GPD2: variants seen among roughly 807,000 people sequenced by gnomAD.
GPD2 encodes the protein glycerol-3-phosphate dehydrogenase, mitochondrial.
GPD2 carries 54 observed loss-of-function variants against 82.4 expected under a neutral mutation model. The ratio of observed to expected loss-of-function variants is 0.66; its 90% CI spans 0.53 to 0.82. GPD2 has a LOEUF of 0.82. GPD2 is among the 40% of genes least tolerant of loss of function. GPD2 has a pLI of 0.00. For synonymous variants in GPD2, 288 were observed against 306.1 expected (o/e 0.94, Z 0.62); for missense variants, 748 against 896.2 (o/e 0.83, Z 2.11).
intron 6 of GPD2, among the ~76,000 whole-genome samples, chr2:156,548,309 C>T (rs1560629): frequency 0.66 from 99,815 of 152,090 alleles, 33,388 homozygotes; most frequent in Middle Eastern, 0.81. Flanking sequence ...CGCTACCCTT[C>T]CCACTTATAG....
the GPD2 span, among the ~76,000 whole-genome samples, chr2:156,402,245 A>G: frequency 6.6e-6 from 1 of 152,368 alleles, no homozygotes; most frequent in African/African-American, 2.4e-5. Context: ...GACATTATAT[A>G]TTAAGAATAA....
intron 1 of GPD2, among the ~76,000 whole-genome samples, chr2:156,445,621 CTTCTT>C (rs1270239747): frequency 6.6e-6 from 1 of 152,228 alleles, no homozygotes; most frequent in Non-Finnish European, 1.5e-5. Context: ...TGGTATCAGT[CTTCTT>C]TTCTACTCCT....
At chr2:156,447,139 C>T (rs1348168241) in intron 1 of GPD2, among the ~76,000 whole-genome samples, 1 of 152,178 alleles carries the variant, frequency 6.6e-6, no homozygotes, top group Non-Finnish European at 1.5e-5. Flanking sequence ...TCAAGATTCT[C>T]CCATTACAAA....
upstream of GPD2, chr2:156,435,207 G>T (rs1240710031): frequency 3.3e-5 from 5 of 152,046 alleles, no homozygotes; most frequent in Non-Finnish European, 7.4e-5. Flanking sequence ...CTGCTTTTTG[G>T]TTCACACTAA....
the GPD2 span, among the ~76,000 whole-genome samples, chr2:156,406,370 G>C: frequency 6.6e-6 from 1 of 152,142 alleles, no homozygotes; most frequent in Non-Finnish European, 1.5e-5. Context: ...CTCATTCCTA[G>C]TTCTCAAGCA....
the GPD2 span, among the ~76,000 whole-genome samples, chr2:156,400,696 GATCTTAATACAGT>G: frequency 6.6e-6 from 1 of 152,196 alleles, no homozygotes; most frequent in Admixed American, 6.5e-5. Flanking sequence ...TAAAAATAAA[GATCTTAATACAGT>G]AATTTGACTA....
intron 8 of GPD2, among the ~76,000 whole-genome samples, chr2:156,552,415 A>G (rs541820168): frequency 6.6e-6 from 1 of 152,362 alleles, no homozygotes; most frequent in South Asian, 2.1e-4. Context: ...CATTAGTTCC[A>G]GATGCAATTG....
At chr2:156,428,929 G>A in the GPD2 span, among the ~76,000 whole-genome samples, 6 of 152,250 alleles carry the variant, frequency 3.9e-5, no homozygotes, top group South Asian at 2.1e-4. Context: ...TGCTCTGTGC[G>A]TGTAAAAAAC....
At chr2:156,580,010 T>C (rs1474108003) in intron 16 of GPD2, among the ~76,000 whole-genome samples, 1 of 152,206 alleles carries the variant, frequency 6.6e-6, no homozygotes. Context: ...AAACATTCCA[T>C]TATGTTGGGC....
In GPD2 at chr2:156,496,156, T is replaced by C; in HGVS notation, c.215T>C (p.Ile72Thr). 6.2e-7 allele frequency: 1 copy of C among 1,612,980 alleles called. No individual in the cohort carries two copies. The highest frequency in any genetic ancestry group is 2.2e-5 in the East Asian group (1 of 44,878). ...LTLQNTSEFD[I>T]LVIGGGATGS... ...TTGCAAAACACATCTGAATTTGATATCCTTGTTATTGGAGGAGGAGCAACA... is the reference window on the plus strand; with the variant it reads ...TTGCAAAACACATCTGAATTTGATACCCTTGTTATTGGAGGAGGAGCAACA... Residue 72 changes from isoleucine (I) to threonine (T), a missense_variant, in exon 3 of 17, where the codon ATC (isoleucine) becomes ACC (threonine). Physicochemically the swap from Ile to Thr is moderately conservative, Grantham distance 89. This residue lies in a region of GPD2 where 692 missense variants were observed against 809.7 expected (regional missense o/e 0.85). Transcript: ENST00000438166.
chr2:156,554,255 T>C (rs1686877991), intron 8 of GPD2, among the ~76,000 whole-genome samples: 1 of 152,222 alleles, frequency 6.6e-6, no homozygotes, highest in Non-Finnish European at 1.5e-5. Flanking sequence ...ACTTAGCAGC[T>C]GTCACTCAAC....
At chr2:156,556,011 G>A (rs1313847934) in intron 8 of GPD2, among the ~76,000 whole-genome samples, 1 of 152,130 alleles carries the variant, frequency 6.6e-6, no homozygotes, top group Non-Finnish European at 1.5e-5. Flanking sequence ...CTCACTCCTT[G>A]TGGTTTAAAT....
chr2:156,503,467 TAAG>T (rs1163071698), intron 3 of GPD2, among the ~76,000 whole-genome samples: 7 of 152,284 alleles, frequency 4.6e-5, no homozygotes, highest in African/African-American at 1.2e-4. Context: ...TCTGTGTTTT[TAAG>T]AAGAAGAAGA....
the GPD2 span, among the ~76,000 whole-genome samples, chr2:156,421,736 TCCC>T: frequency 9.8e-5 from 15 of 152,350 alleles, no homozygotes; most frequent in African/African-American, 3.6e-4. Context: ...GTTGATGTTT[TCCC>T]CTCACTTTTC....
intron 2 of GPD2, among the ~76,000 whole-genome samples, chr2:156,493,645 G>GT (rs1284893289): frequency 6.6e-6 from 1 of 152,082 alleles, no homozygotes; most frequent in African/African-American, 2.4e-5. Flanking sequence ...GTATTACCAA[G>GT]TTCTAATGAA....
chr2:156,578,822 TAAAA>T, intron 13 of GPD2, 63 bp from the exon 14 acceptor site: 2 of 924,970 alleles, frequency 2.2e-6, no homozygotes, highest in Admixed American at 1.7e-5. Flanking sequence ...AGATCAACAG[TAAAA>T]AAAGGAGGAA....
intron 3 of GPD2, among the ~76,000 whole-genome samples, chr2:156,509,301 G>C (rs1041233144): frequency 3.3e-5 from 5 of 151,282 alleles, no homozygotes; most frequent in African/African-American, 1.2e-4. Context: ...GAATTGCCCT[G>C]ATTTTATGAT....
chr2:156,423,601 G>C, the GPD2 span, among the ~76,000 whole-genome samples: 3 of 151,990 alleles, frequency 2.0e-5, no homozygotes, highest in African/African-American at 7.3e-5. Flanking sequence ...TTTCAATGCC[G>C]TTCTTTCCAA....
At chr2:156,412,576 A>G in the GPD2 span, among the ~76,000 whole-genome samples, 57 of 152,274 alleles carry the variant, frequency 3.7e-4, no homozygotes, top group African/African-American at 1.3e-3. Context: ...AGGGCATACA[A>G]TTGTATGTAT....
Sources: allele counts gnomAD v4.1 joint callset (sites outside exome capture counted in the v4.1 genomes callset), GRCh38; gene constraint gnomAD v4.1.1; regional missense constraint gnomAD v4.1.1; transcripts MANE v1.5; gene names NCBI Gene and HGNC (gene_info 2026-07-23, HGNC 2026-07-21).